The following GARIN2 variants were observed in gnomAD, a reference collection of about 807,000 sequenced individuals.
The protein encoded by GARIN2 is golgi associated RAB2 interactor family member 2.
At chr14:67,225,965 G>GCA in the GARIN2 span, among the ~76,000 whole-genome samples, 1 of 112,576 alleles carries the variant, frequency 8.9e-6, no homozygotes, top group Non-Finnish European at 1.6e-5. Context: ...GTGTGTGTGC[G>GCA]CGCGCGCGCG....
the GARIN2 span, among the ~76,000 whole-genome samples, chr14:67,216,845 G>A: frequency 6.6e-6 from 1 of 152,106 alleles, no homozygotes; most frequent in Non-Finnish European, 1.5e-5. Flanking sequence ...AGTCAATCCT[G>A]GAGAATATTC....
At chr14:67,225,970 C>CAT in the GARIN2 span, among the ~76,000 whole-genome samples, 3 of 104,908 alleles carry the variant, frequency 2.9e-5, no homozygotes, top group East Asian at 2.2e-4. Flanking sequence ...TGTGCGCGCG[C>CAT]GCGCGTGCGC....
chr14:67,226,978 A>G, the GARIN2 span, among the ~76,000 whole-genome samples: 2 of 152,234 alleles, frequency 1.3e-5, no homozygotes, highest in East Asian at 3.8e-4. Flanking sequence ...TAGAATTTAA[A>G]GAGAGAAATT....
the GARIN2 span, chr14:67,225,140 T>C: frequency 1.3e-6 from 2 of 1,585,088 alleles, no homozygotes; most frequent in Non-Finnish European, 1.7e-6. Flanking sequence ...ATATCAAATC[T>C]CCTTCTAATT....
At chr14:67,220,622 T>C in the GARIN2 span, among the ~76,000 whole-genome samples, 1 of 152,148 alleles carries the variant, frequency 6.6e-6, no homozygotes, top group Non-Finnish European at 1.5e-5. Context: ...TATAAAACAT[T>C]TATATTTTTT....
chr14:67,224,783 T>C, the GARIN2 span: 2 of 247,614 alleles, frequency 8.1e-6, no homozygotes, highest in South Asian at 9.2e-5. Context: ...TACCCATCTT[T>C]CTTTTCCATG....
At chr14:67,204,067 T>C in the GARIN2 span, among the ~76,000 whole-genome samples, 2 of 152,114 alleles carry the variant, frequency 1.3e-5, no homozygotes, top group African/African-American at 4.8e-5. Context: ...ATGAGATGGT[T>C]CTCAGGAGCC....
chr14:67,193,567 A>ATATATAGATATAGATATATATC, the GARIN2 span, among the ~76,000 whole-genome samples: 1 of 145,282 alleles, frequency 6.9e-6, no homozygotes, highest in African/African-American at 2.5e-5. Flanking sequence ...ATCTATATCT[A>ATATATAGATATAGATATATATC]TATAGATCTA....
chr14:67,216,172 T>C, the GARIN2 span, among the ~76,000 whole-genome samples: 1 of 152,156 alleles, frequency 6.6e-6, no homozygotes, highest in African/African-American at 2.4e-5. Context: ...TGTTATTAAC[T>C]ATAGTCCATA....
At chr14:67,198,834 A>G in the GARIN2 span, 1 of 567,324 alleles carries the variant, frequency 1.8e-6, no homozygotes, top group East Asian at 3.5e-5. Flanking sequence ...CTAAACATTC[A>G]ACATTAAAAT....
the GARIN2 span, among the ~76,000 whole-genome samples, chr14:67,211,309 A>G: frequency 6.6e-6 from 1 of 152,194 alleles, no homozygotes; most frequent in East Asian, 1.9e-4. Context: ...AGCAAACTGA[A>G]CAAAAAAAAC....
chr14:67,204,868 A>T, the GARIN2 span: 814 of 1,613,912 alleles, frequency 5.0e-4, 1 homozygote, highest in Non-Finnish European at 5.1e-4. Flanking sequence ...TGTCAGGGAC[A>T]GCATAGATTT....
the GARIN2 span, among the ~76,000 whole-genome samples, chr14:67,225,960 T>TGCGCGCGC: frequency 5.0e-5 from 6 of 119,754 alleles, no homozygotes; most frequent in African/African-American, 3.0e-4. Flanking sequence ...TGTGTGTGTG[T>TGCGCGCGC]GTGCGCGCGC....
At chr14:67,199,890 G>A in the GARIN2 span, 72 of 1,485,990 alleles carry the variant, frequency 4.8e-5, no homozygotes, top group African/African-American at 5.8e-4. Context: ...GCCCCCCATC[G>A]GCAGGAACCC....
At chr14:67,208,496 T>C in the GARIN2 span, 7 of 1,577,388 alleles carry the variant, frequency 4.4e-6, no homozygotes, top group Non-Finnish European at 6.0e-6. Flanking sequence ...ACATGAAATA[T>C]TAATAAAGAA....
the GARIN2 span, among the ~76,000 whole-genome samples, chr14:67,214,523 A>G: frequency 4.6e-5 from 7 of 152,090 alleles, no homozygotes; most frequent in Non-Finnish European, 1.0e-4. Flanking sequence ...CCATTGATCT[A>G]TATCTCTGTT....
the GARIN2 span, chr14:67,198,209 T>A: frequency 6.2e-7 from 1 of 1,613,818 alleles, no homozygotes; most frequent in African/African-American, 1.3e-5. Context: ...ATAAGCAAGA[T>A]GCTCTCTGCA....
the GARIN2 span, chr14:67,199,472 A>G: frequency 6.2e-7 from 1 of 1,613,100 alleles, no homozygotes; most frequent in Non-Finnish European, 8.5e-7. Flanking sequence ...GGACCCTGAC[A>G]CAGGCAACTC....
At chr14:67,223,871 A>G in the GARIN2 span, 60 of 985,782 alleles carry the variant, frequency 6.1e-5, no homozygotes, top group African/African-American at 9.8e-4. Flanking sequence ...CCTGTACCCC[A>G]AGAAAAGCAA....
Sources: gnomAD v4.1 joint callset for allele counts (sites outside exome capture counted in the v4.1 genomes callset) on GRCh38, gnomAD v4.1.1 for gene constraint, MANE v1.5 for transcripts, NCBI Gene and HGNC (gene_info 2026-07-23, HGNC 2026-07-21) for gene names.